The following ZMYM4 variants were observed in gnomAD, a reference collection of about 807,000 sequenced individuals.
The protein encoded by ZMYM4 is zinc finger MYM-type containing 4, also known as zinc finger MYM-type protein 4.
A neutral mutation model predicts 183.2 loss-of-function variants in ZMYM4; 31 were observed. That is an observed-to-expected ratio of 0.17 (90% CI 0.13 to 0.23). The LOEUF is 0.23. Ranked by LOEUF, ZMYM4 falls within the 10% of genes least tolerant of loss-of-function variation. ZMYM4 has a pLI of 1.00. For synonymous variants in ZMYM4, 592 were observed against 631.2 expected, an observed-to-expected ratio of 0.94 and a Z score of 0.93; for missense variants, 1,273 against 1,840.3, an observed-to-expected ratio of 0.69 and a Z score of 5.64.
chr1:35,308,117 G>C (rs888363428), intron 1 of ZMYM4, among the ~76,000 whole-genome samples: 1 of 152,094 alleles, frequency 6.6e-6, no homozygotes, highest in African/African-American at 2.4e-5. Flanking sequence ...TCAGCCTCCT[G>C]CGTAGCTGGG....
intron 2 of ZMYM4, among the ~76,000 whole-genome samples, chr1:35,332,809 C>G (rs1346247209): frequency 2.0e-5 from 3 of 152,178 alleles, no homozygotes; most frequent in Non-Finnish European, 4.4e-5. Context: ...ATCCTCCTGC[C>G]TCAACCTCCC....
intron 1 of ZMYM4, among the ~76,000 whole-genome samples, chr1:35,296,147 T>A (rs1640996998): frequency 6.6e-6 from 1 of 152,182 alleles, no homozygotes; most frequent in Non-Finnish European, 1.5e-5. Context: ...ACAGGACTTT[T>A]CAAAGATGAG....
chr1:35,397,387 C>T lies in ZMYM4; in HGVS notation c.3041C>T (p.Pro1014Leu), dbSNP rs1644827694. ...TCCTTGGTCTTTCAGATGCCTGTCCCTATGCTTATTCCATCTTCAATGGAT... is the reference window on the plus strand; with the variant it reads ...TCCTTGGTCTTTCAGATGCCTGTCCTTATGCTTATTCCATCTTCAATGGAT... The part of the protein sequence containing the change: ...PFGIPVPMPV[P>L]MLIPSSMDSE... The change falls in exon 20 of 30, where the codon CCT becomes CTT. Residue 1014 changes from proline to leucine, a missense_variant. Pro to Leu is a moderately conservative substitution (Grantham distance 98). Coordinates refer to ENST00000314607, the MANE Select transcript of ZMYM4 (RefSeq NM_005095.3). 2 of 1,602,428 alleles carry T rather than the reference C, an allele frequency of 1.2e-6. No homozygotes were observed. The highest frequency in any genetic ancestry group is 1.7e-6 in the Non-Finnish European group (2 of 1,174,962).
chr1:35,287,053 CT>C (rs1197819887), intron 1 of ZMYM4, among the ~76,000 whole-genome samples: 6 of 151,556 alleles, frequency 4.0e-5, no homozygotes, highest in Non-Finnish European at 8.8e-5. Context: ...TTTATTTGAC[CT>C]TTCTTATTTC....
chr1:35,414,418 C>T (rs1359223877), intron 27 of ZMYM4, among the ~76,000 whole-genome samples: 1 of 152,162 alleles, frequency 6.6e-6, no homozygotes, highest in African/African-American at 2.4e-5. Flanking sequence ...TGTATGTATA[C>T]TGAACTGTTG....
chr1:35,392,157 G>A, intron 15 of ZMYM4, 55 bp from the exon 16 acceptor site: 2 of 1,606,302 alleles, frequency 1.2e-6, no homozygotes, highest in Non-Finnish European at 1.7e-6. Context: ...AATGGTTTCT[G>A]TGTAAGTACA....
chr1:35,269,554 TC>T (rs1235224212), intron 1 of ZMYM4, among the ~76,000 whole-genome samples: 6 of 151,912 alleles, frequency 3.9e-5, no homozygotes, highest in Admixed American at 6.6e-5. Context: ...TCCTTTCCCC[TC>T]CCCCCATAGC....
intron 2 of ZMYM4, chr1:35,351,188 TA>T: frequency 7.5e-7 from 1 of 1,335,044 alleles, no homozygotes; most frequent in Non-Finnish European, 1.1e-6. Flanking sequence ...CCACTGGCAA[TA>T]AAGTTTTGGG....
intron 2 of ZMYM4, among the ~76,000 whole-genome samples, chr1:35,337,117 G>A (rs541612657): frequency 1.1e-4 from 17 of 152,240 alleles, no homozygotes; most frequent in African/African-American, 3.6e-4. Flanking sequence ...CCAGCACTTC[G>A]GGAAGCTGAG....
At chr1:35,341,546 G>C (rs959275513) in intron 2 of ZMYM4, among the ~76,000 whole-genome samples, 17 of 150,610 alleles carry the variant, frequency 1.1e-4, no homozygotes, top group Non-Finnish European at 2.2e-4. Context: ...TTCATTTCTA[G>C]ATTCTTATTG....
rs1490991412 is a variant in ZMYM4, at chr1:35,370,014, T to A, written c.841-15T>A. ...CTTTTCTCTATGTATTTATTTATTT[T>A]TTTCTTCTTTAAAGGAGTATAGTCA... is the stretch of plus-strand genomic sequence containing the variant. On this transcript the variant is annotated splice_polypyrimidine_tract_variant and intron_variant, in intron 5 of 29. Coordinates refer to ENST00000314607, the MANE Select transcript of ZMYM4 (RefSeq NM_005095.3). The A allele has an allele frequency of 1.3e-6, 2 of 1,583,168 alleles. No homozygotes were observed. Among genetic ancestry groups the A allele is most frequent in the Non-Finnish European group, 1.7e-6 (2 of 1,157,650 alleles).
At chr1:35,398,488 T>C (rs1438333809) in intron 21 of ZMYM4, 22 bp downstream of exon 21, 2 of 1,601,024 alleles carry the variant, frequency 1.2e-6, no homozygotes, top group South Asian at 2.2e-5. Context: ...AAAATATGTT[T>C]TGATTTTTAG....
intron 5 of ZMYM4, among the ~76,000 whole-genome samples, chr1:35,362,706 TTC>T (rs1643967185): frequency 7.9e-5 from 12 of 152,104 alleles, no homozygotes; most frequent in Admixed American, 7.9e-4. Flanking sequence ...TTTTTGTTTT[TTC>T]TCTTTTTTTT....
At chr1:35,324,209 C>T (rs1484664154) in intron 1 of ZMYM4, among the ~76,000 whole-genome samples, 2 of 151,778 alleles carry the variant, frequency 1.3e-5, no homozygotes, top group Non-Finnish European at 2.9e-5. Context: ...TTGGGGGTAC[C>T]TTTGATATTG....
intron 1 of ZMYM4, among the ~76,000 whole-genome samples, chr1:35,307,249 C>T (rs1641573086): frequency 6.6e-6 from 1 of 152,122 alleles, no homozygotes; most frequent in Admixed American, 6.6e-5. Context: ...TAAAAGTCCA[C>T]ATTAGAGTAA....
chr1:35,393,871 C>G (rs986694001), intron 18 of ZMYM4, 132 bp downstream of exon 18: 2 of 1,025,180 alleles, frequency 2.0e-6, no homozygotes, highest in Non-Finnish European at 2.7e-6. Context: ...ATTTAGTTCT[C>G]ACAGCATCCC....
At chr1:35,355,094 C>T (rs546145013) in intron 2 of ZMYM4, among the ~76,000 whole-genome samples, 522 of 151,436 alleles carry the variant, frequency 3.4e-3, no homozygotes, top group Non-Finnish European at 5.6e-3. Flanking sequence ...AGTGCAGTGG[C>T]GCAATCTCGG....
chr1:35,271,503 A>G (rs1253873703), intron 1 of ZMYM4, among the ~76,000 whole-genome samples: 1 of 152,114 alleles, frequency 6.6e-6, no homozygotes, highest in Non-Finnish European at 1.5e-5. Context: ...CCCGGGTTCA[A>G]TTAATTCTCC....
chr1:35,379,669 C>T (rs1198182262), intron 7 of ZMYM4, among the ~76,000 whole-genome samples: 1 of 152,230 alleles, frequency 6.6e-6, no homozygotes, highest in Non-Finnish European at 1.5e-5. Flanking sequence ...GCCTTCCTCA[C>T]TAAGAGTAAT....
Sources: gnomAD v4.1 joint callset for allele counts (sites outside exome capture counted in the v4.1 genomes callset) on GRCh38, gnomAD v4.1.1 for gene constraint, MANE v1.5 for transcripts, NCBI Gene and HGNC (gene_info 2026-07-23, HGNC 2026-07-21) for gene names.